Variants in TBC1D22A observed in about 807,000 individuals in gnomAD.
TBC1D22A encodes the protein TBC1 domain family member 22A.
Under a neutral mutation model 60.2 loss-of-function variants are expected in TBC1D22A, and 38 were observed. The ratio of observed to expected loss-of-function variants is 0.63; its 90% CI spans 0.49 to 0.83. The LOEUF (loss-of-function observed/expected upper bound fraction) is 0.83, where lower values mean the gene tolerates loss of function less well. TBC1D22A is among the 40% of genes least tolerant of loss of function. The probability of loss-of-function intolerance (pLI) is 0.00; values close to 1 mark genes in which losing one functional copy is unlikely to be tolerated. For synonymous variants in TBC1D22A, 302 were observed against 281.7 expected, an observed-to-expected ratio of 1.07 and a Z score of -0.72; for missense variants, 628 against 701.0, an observed-to-expected ratio of 0.90 and a Z score of 1.18.
chr22:47,096,787 A>G (rs561082986), intron 11 of TBC1D22A, among the ~76,000 whole-genome samples: 2 of 152,170 alleles, frequency 1.3e-5, no homozygotes, highest in Non-Finnish European at 2.9e-5. Flanking sequence ...GTGCCACAGC[A>G]CTCCAGCCTG....
intron 11 of TBC1D22A, among the ~76,000 whole-genome samples, chr22:47,088,805 T>A (rs529850103): frequency 3.1e-4 from 47 of 152,306 alleles, no homozygotes; most frequent in African/African-American, 1.1e-3. Context: ...AATTGCAGCA[T>A]CACCAGGAAG....
At chr22:46,976,016 A>G (rs1041460708) in intron 9 of TBC1D22A, among the ~76,000 whole-genome samples, 1 of 152,186 alleles carries the variant, frequency 6.6e-6, no homozygotes, top group Non-Finnish European at 1.5e-5. Flanking sequence ...TAATATTTTC[A>G]TACATTTTAT....
chr22:46,927,916 A>C, intron 8 of TBC1D22A, among the ~76,000 whole-genome samples: 1 of 152,238 alleles, frequency 6.6e-6, no homozygotes, highest in Admixed American at 6.5e-5. Flanking sequence ...TGTTGAAATA[A>C]ATTAAAGAGG....
rs559735056 is a variant in TBC1D22A at position 47,050,294 on chromosome 22, C to T, written c.1329+13096C>T. 8.0e-5 allele frequency among the ~76,000 whole-genome samples: 12 copies of T among 150,252 alleles called. No homozygotes were observed. The South Asian group carries it at 1.5e-3, about 19-fold the overall frequency. ...TGCTGGGATTACAGACATGAGCCACCGCGCCTGGCCGAGAGGGGGCATTTC... is the reference window on the plus strand; with the variant it reads ...TGCTGGGATTACAGACATGAGCCACTGCGCCTGGCCGAGAGGGGGCATTTC... On this transcript the variant is annotated intron_variant, in intron 11 of 12. Coordinates refer to ENST00000337137, the MANE Select transcript of TBC1D22A (RefSeq NM_014346.5).
At chr22:46,841,073 T>TGTGA (rs35099198) in intron 4 of TBC1D22A, among the ~76,000 whole-genome samples, 2,823 of 148,606 alleles carry the variant, frequency 0.019, 89 homozygotes, top group African/African-American at 0.065. Flanking sequence ...TGTGTGTGTG[T>TGTGA]GAGAGAGAGA....
At chr22:47,111,924 G>A (rs960936430) in intron 12 of TBC1D22A, among the ~76,000 whole-genome samples, 1 of 152,204 alleles carries the variant, frequency 6.6e-6, no homozygotes, top group Admixed American at 6.5e-5. Context: ...GTGACCTCTG[G>A]TCCCTGGAAC....
intron 11 of TBC1D22A, among the ~76,000 whole-genome samples, chr22:47,055,859 C>T (rs923239928): frequency 2.6e-5 from 4 of 151,126 alleles, no homozygotes; most frequent in Admixed American, 6.6e-5. Flanking sequence ...CAGTGAGATA[C>T]GCCACGGAGG....
intron 12 of TBC1D22A, among the ~76,000 whole-genome samples, chr22:47,122,107 A>G (rs78853356): frequency 0.023 from 3,575 of 152,318 alleles, 148 homozygotes; most frequent in African/African-American, 0.081. Context: ...AGACTTAGTT[A>G]GCAGATGCTT....
Position 47,170,893 on chromosome 22 carries a change from C to T in TBC1D22A, c.1426-2605C>T, listed in dbSNP as rs74929460. 1.1e-3 allele frequency among the ~76,000 whole-genome samples: 26 copies of T among 22,768 alleles called. 4 individuals are homozygous for T. The highest frequency in any genetic ancestry group is 5.5e-3 in the South Asian group (8 of 1,446). The allele number at this position is 22,768 out of a possible 152,430, so 14.9% of individuals were successfully genotyped here. A position where few individuals can be genotyped will look rare whatever the true frequency, so the allele number is the denominator to read the frequency against. ...GTCCTGGTGTGTAACCCTCCTGATG[C>T]AGGACCGGAGAGAGGGCAGTCCTGG... On this transcript the variant is annotated intron_variant, in intron 12 of 12. Coordinates refer to ENST00000337137, the MANE Select transcript of TBC1D22A (RefSeq NM_014346.5).
chr22:47,115,432 T>C lies in TBC1D22A; in HGVS notation c.1425+3829T>C, dbSNP rs534109774. Among the ~76,000 whole-genome samples the C allele has an allele frequency of 2.7e-3, 383 of 141,238 alleles. 3 individuals are homozygous for C. Among genetic ancestry groups the C allele is most frequent in the African/African-American group, 9.7e-3 (360 of 37,180 alleles). The allele number at this position is 141,238 out of a possible 152,430, so 92.7% of individuals were successfully genotyped here. A position where few individuals can be genotyped will look rare whatever the true frequency, so the allele number is the denominator to read the frequency against. ...TGCCCCGCCCCTTTAGCCACTGAGATTCAAGCCTCAGCCCTCACAGCATGG... is the reference window on the plus strand; with the variant it reads ...TGCCCCGCCCCTTTAGCCACTGAGACTCAAGCCTCAGCCCTCACAGCATGG... On this transcript the variant is annotated intron_variant, in intron 12 of 12. Transcript: ENST00000337137.
intron 9 of TBC1D22A, among the ~76,000 whole-genome samples, chr22:46,982,936 G>T (rs529531524): frequency 1.3e-5 from 2 of 152,342 alleles, no homozygotes; most frequent in South Asian, 4.1e-4. Flanking sequence ...TTCAGTGGTT[G>T]CTGTCACTGG....
intron 11 of TBC1D22A, among the ~76,000 whole-genome samples, chr22:47,039,410 C>T (rs902195318): frequency 3.3e-5 from 5 of 152,074 alleles, no homozygotes; most frequent in African/African-American, 9.7e-5. Context: ...GATTACTCTC[C>T]CCTAAACTGG....
chr22:47,144,965 T>C (rs898978151), intron 12 of TBC1D22A, among the ~76,000 whole-genome samples: 3 of 152,238 alleles, frequency 2.0e-5, no homozygotes, highest in Non-Finnish European at 4.4e-5. Context: ...AGCCGTTTGG[T>C]GCCGCTGGAC....
chr22:47,070,946 G>A (rs374815866), intron 11 of TBC1D22A, among the ~76,000 whole-genome samples: 4 of 152,184 alleles, frequency 2.6e-5, no homozygotes, highest in South Asian at 2.1e-4. Flanking sequence ...CGGTCCCGGC[G>A]CTGTTCGTGT....
At position 46,797,505 on chromosome 22, in the gene TBC1D22A, C is replaced by G; in HGVS notation, c.522C>G (p.Val174=). The change falls in exon 4 of 13, where the codon GTC becomes GTG. Residue 174 remains valine, a synonymous_variant. Coordinates refer to ENST00000337137, the MANE Select transcript of TBC1D22A (RefSeq NM_014346.5). The part of the protein sequence containing the change: ...RSQSLPHSAT[V]TLGGTSDPST... ...AGTCTCTCCCACACTCGGCCACCGTCACGCTGGGTGGCACATCTGACCCCA... is the reference window on the plus strand; with the variant it reads ...AGTCTCTCCCACACTCGGCCACCGTGACGCTGGGTGGCACATCTGACCCCA... 1 of 1,614,042 alleles carries G rather than the reference C, an allele frequency of 6.2e-7. No individual in the cohort carries two copies. The highest frequency in any genetic ancestry group is 8.5e-7 in the Non-Finnish European group (1 of 1,180,038).
chr22:46,812,068 G>C (rs1327584316), intron 4 of TBC1D22A, among the ~76,000 whole-genome samples: 1 of 152,140 alleles, frequency 6.6e-6, no homozygotes, highest in Non-Finnish European at 1.5e-5. Context: ...GAAGGTTTTG[G>C]GCAGGGATTG....
chr22:46,862,449 C>G (rs189058013), intron 4 of TBC1D22A, among the ~76,000 whole-genome samples: 1 of 152,296 alleles, frequency 6.6e-6, no homozygotes, highest in Non-Finnish European at 1.5e-5. Flanking sequence ...TCAGCCCCCT[C>G]TTGCTTCTGT....
At chr22:47,039,381 C>T (rs116275328) in intron 11 of TBC1D22A, among the ~76,000 whole-genome samples, 3,360 of 152,108 alleles carry the variant, frequency 0.022, 115 homozygotes, top group African/African-American at 0.076. Flanking sequence ...ACATAGTAAT[C>T]ATAGGAAAGC....
chr22:47,027,081 T>C (rs1016783791), intron 10 of TBC1D22A, among the ~76,000 whole-genome samples: 2 of 152,188 alleles, frequency 1.3e-5, no homozygotes, highest in African/African-American at 2.4e-5. Context: ...ATCAGTGGAA[T>C]AGAAGAGAGT....
Sources: allele counts gnomAD v4.1 joint callset (sites outside exome capture counted in the v4.1 genomes callset), GRCh38; gene constraint gnomAD v4.1.1; transcripts MANE v1.5; gene names NCBI Gene and HGNC (gene_info 2026-07-23, HGNC 2026-07-21).